The following RALYL variants were observed in gnomAD, a reference collection of about 807,000 sequenced individuals.
RALYL encodes the protein RNA-binding Raly-like protein.
Under a neutral mutation model 35.1 loss-of-function variants are expected in RALYL, and 29 were observed. That is an observed-to-expected ratio of 0.83 (90% CI 0.61 to 1.13). RALYL has a LOEUF of 1.13. Ranked by LOEUF, RALYL falls within the 50% of genes most tolerant of loss-of-function variation. The probability of loss-of-function intolerance (pLI) is 0.00; values close to 1 mark genes in which losing one functional copy is unlikely to be tolerated. For missense variants in RALYL, 359 were observed against 360.4 expected (o/e 1.00, Z 0.03); for synonymous variants, 120 against 127.6 (o/e 0.94, Z 0.40).
In RALYL at chr8:84,350,469, A is replaced by G. The variant is rs138056923; in HGVS notation, c.-24+166045A>G. ...TTTATAATGTTCATTTGAAATCTGTATTGTCCCTGGTCGAGACAGTACTAC... is the reference window on the plus strand; with the variant it reads ...TTTATAATGTTCATTTGAAATCTGTGTTGTCCCTGGTCGAGACAGTACTAC... On this transcript the variant is annotated intron_variant, in intron 1 of 8. Coordinates refer to ENST00000521268, the MANE Select transcript of RALYL (RefSeq NM_173848.7). Among the ~76,000 whole-genome samples, 5 of 150,530 alleles carry G rather than the reference A, an allele frequency of 3.3e-5. No homozygotes were observed. The East Asian group carries it at 7.7e-4, about 23-fold the overall frequency.
chr8:84,723,838 C>A (rs1227609353), intron 2 of RALYL, among the ~76,000 whole-genome samples: 1 of 151,668 alleles, frequency 6.6e-6, no homozygotes, highest in Non-Finnish European at 1.5e-5. Context: ...ATTCCCCCAC[C>A]CAAACCTCTA....
chr8:84,900,935 G>A, intron 8 of RALYL, among the ~76,000 whole-genome samples: 1 of 152,080 alleles, frequency 6.6e-6, no homozygotes, highest in East Asian at 1.9e-4. Flanking sequence ...TTAAGCACTG[G>A]GGTAACTAGT....
At chr8:84,589,353 C>T (rs1812723615) in intron 2 of RALYL, among the ~76,000 whole-genome samples, 1 of 152,118 alleles carries the variant, frequency 6.6e-6, no homozygotes, top group Non-Finnish European at 1.5e-5. Flanking sequence ...TCAGCCTGTC[C>T]AGTAAGCCAG....
intron 1 of RALYL, among the ~76,000 whole-genome samples, chr8:84,396,678 A>G (rs1163877761): frequency 6.6e-6 from 1 of 152,096 alleles, no homozygotes; most frequent in Non-Finnish European, 1.5e-5. Flanking sequence ...AGTAATGTCC[A>G]CCTATTTTTA....
intron 3 of RALYL, among the ~76,000 whole-genome samples, chr8:84,779,475 A>G (rs1045353608): frequency 6.6e-6 from 1 of 152,196 alleles, no homozygotes; most frequent in Non-Finnish European, 1.5e-5. Flanking sequence ...GTTTCATCCC[A>G]TTGATTCTGT....
At chr8:84,394,716 A>AT (rs1861415631) in intron 1 of RALYL, among the ~76,000 whole-genome samples, 1 of 151,888 alleles carries the variant, frequency 6.6e-6, no homozygotes, top group Non-Finnish European at 1.5e-5. Flanking sequence ...TTAAATATAG[A>AT]TTTTCATGAT....
intron 1 of RALYL, among the ~76,000 whole-genome samples, chr8:84,412,452 T>C (rs1029790277): frequency 6.6e-6 from 1 of 151,924 alleles, no homozygotes; most frequent in South Asian, 2.1e-4. Flanking sequence ...AGATTGTCCC[T>C]TATTCAGGAA....
At chr8:84,779,229 G>A (rs985418652) in intron 3 of RALYL, among the ~76,000 whole-genome samples, 1 of 152,180 alleles carries the variant, frequency 6.6e-6, no homozygotes, top group Admixed American at 6.5e-5. Flanking sequence ...GAGTTTTCCA[G>A]CATGCCAACT....
intron 2 of RALYL, among the ~76,000 whole-genome samples, chr8:84,549,969 T>G (rs1187658203): frequency 6.6e-6 from 1 of 152,160 alleles, no homozygotes; most frequent in East Asian, 1.9e-4. Context: ...TGTGGAGTAC[T>G]GCCACCACCA....
intron 4 of RALYL, among the ~76,000 whole-genome samples, chr8:84,820,900 T>G (rs73299274): frequency 0.043 from 6,583 of 152,278 alleles, 458 homozygotes; most frequent in African/African-American, 0.15. Context: ...ATGTCATATG[T>G]AGAATCAATA....
intron 2 of RALYL, among the ~76,000 whole-genome samples, chr8:84,660,911 TTTTA>T (rs1260147610): frequency 6.6e-6 from 1 of 151,900 alleles, no homozygotes; most frequent in African/African-American, 2.4e-5. Flanking sequence ...ACATTATTAT[TTTTA>T]TTTGTTTATT....
In RALYL at chr8:84,323,355, T is replaced by G. The variant is rs150850516; in HGVS notation, c.-24+138931T>G. ...TAATATAACTCTAATGTATCATAAA[T>G]TTGGTCTAAAGCTAACAAGCTAGCT... On this transcript the variant is annotated intron_variant, in intron 1 of 8. Coordinates refer to ENST00000521268, the MANE Select transcript of RALYL (RefSeq NM_173848.7). Among the ~76,000 whole-genome samples the G allele has an allele frequency of 2.8e-3, 420 of 152,122 alleles. 2 individuals are homozygous for G. Among genetic ancestry groups the G allele is most frequent in the African/African-American group, 9.5e-3 (393 of 41,538 alleles).
At chr8:84,748,976 T>C (rs1809292315) in intron 2 of RALYL, among the ~76,000 whole-genome samples, 1 of 152,172 alleles carries the variant, frequency 6.6e-6, no homozygotes. Flanking sequence ...AACTTGATCA[T>C]ATTTGTTTTT....
chr8:84,766,837 C>A (rs1383097198), intron 2 of RALYL, among the ~76,000 whole-genome samples: 2 of 150,580 alleles, frequency 1.3e-5, no homozygotes, highest in Non-Finnish European at 2.9e-5. Flanking sequence ...CAAAGTTATG[C>A]CTTTTGGTCT....
At chr8:84,694,908 T>C (rs567345102) in intron 2 of RALYL, among the ~76,000 whole-genome samples, 1 of 151,972 alleles carries the variant, frequency 6.6e-6, no homozygotes, top group East Asian at 1.9e-4. Flanking sequence ...ACTATACTTG[T>C]CATTATTCTA....
intron 1 of RALYL, among the ~76,000 whole-genome samples, chr8:84,199,513 G>A (rs989597923): frequency 2.6e-5 from 4 of 152,000 alleles, no homozygotes; most frequent in Admixed American, 1.3e-4. Flanking sequence ...GATCCCATTT[G>A]TCCATTTTTG....
intron 1 of RALYL, among the ~76,000 whole-genome samples, chr8:84,288,374 T>C (rs1838078994): frequency 1.3e-5 from 2 of 152,180 alleles, no homozygotes; most frequent in Non-Finnish European, 2.9e-5. Context: ...AAAATATCTG[T>C]CATGTCATCA....
chr8:84,278,461 G>C (rs1403704985), intron 1 of RALYL, among the ~76,000 whole-genome samples: 1 of 152,156 alleles, frequency 6.6e-6, no homozygotes, highest in Non-Finnish European at 1.5e-5. Context: ...TTAACATTTG[G>C]TTCCTCGTTA....
chr8:84,262,050 A>T (rs1832412689), intron 1 of RALYL, among the ~76,000 whole-genome samples: 1 of 152,130 alleles, frequency 6.6e-6, no homozygotes, highest in Admixed American at 6.6e-5. Flanking sequence ...CCATACTCAG[A>T]ATATTCTCAT....
Sources: allele counts gnomAD v4.1 joint callset (sites outside exome capture counted in the v4.1 genomes callset), GRCh38; gene constraint gnomAD v4.1.1; transcripts MANE v1.5; gene names NCBI Gene and HGNC (gene_info 2026-07-23, HGNC 2026-07-21).